PLCB1: variants seen among roughly 807,000 people sequenced by gnomAD.
PLCB1 encodes the protein 1-phosphatidylinositol 4,5-bisphosphate phosphodiesterase beta-1.
Under a neutral mutation model 161.8 loss-of-function variants are expected in PLCB1, and 46 were observed. The observed-to-expected ratio is 0.28, with a 90% confidence interval of 0.22 to 0.36. The LOEUF is 0.36. Ranked by LOEUF, PLCB1 falls within the 10% of genes least tolerant of loss-of-function variation. The pLI is 1.00. For missense variants in PLCB1, 1,016 were observed against 1,472.5 expected (o/e 0.69, Z 5.07); for synonymous variants, 517 against 503.7 (o/e 1.03, Z -0.35).
At chr20:8,225,317 A>T (rs1600245017) in intron 2 of PLCB1, among the ~76,000 whole-genome samples, 1 of 152,056 alleles carries the variant, frequency 6.6e-6, no homozygotes, top group African/African-American at 2.4e-5. Flanking sequence ...ATTTTTTACA[A>T]TAGGGTCTGA....
chr20:8,839,462 C>G (rs1344573695), intron 31 of PLCB1, among the ~76,000 whole-genome samples: 5 of 152,114 alleles, frequency 3.3e-5, no homozygotes, highest in African/African-American at 1.2e-4. Context: ...GCAAGCAGCT[C>G]TGTCACTTGG....
intron 23 of PLCB1, among the ~76,000 whole-genome samples, chr20:8,755,854 A>C (rs1054151664): frequency 2.6e-5 from 4 of 152,242 alleles, no homozygotes; most frequent in African/African-American, 9.6e-5. Flanking sequence ...AATTGTTTTC[A>C]GATGATTAGC....
intron 3 of PLCB1, among the ~76,000 whole-genome samples, chr20:8,393,630 G>A (rs1318770516): frequency 6.6e-6 from 1 of 152,126 alleles, no homozygotes. Context: ...ACTCCGGCCT[G>A]GGTGACTGGT....
chr20:8,671,178 A>T (rs1989933429), intron 9 of PLCB1, among the ~76,000 whole-genome samples: 2 of 152,214 alleles, frequency 1.3e-5, no homozygotes, highest in Non-Finnish European at 2.9e-5. Flanking sequence ...GACTGTGATT[A>T]TTCTACGTGG....
At chr20:8,248,012 G>A (rs1980965189) in intron 2 of PLCB1, among the ~76,000 whole-genome samples, 1 of 151,844 alleles carries the variant, frequency 6.6e-6, no homozygotes, top group Non-Finnish European at 1.5e-5. Flanking sequence ...CTAGTCCTCT[G>A]TCCTAGATTG....
chr20:8,199,349 C>G (rs1460861058), intron 2 of PLCB1, among the ~76,000 whole-genome samples: 2 of 152,016 alleles, frequency 1.3e-5, no homozygotes, highest in Non-Finnish European at 2.9e-5. Context: ...ATTATTAAGT[C>G]AAGTATATAA....
chr20:8,755,610 C>A (rs900530480), intron 23 of PLCB1, among the ~76,000 whole-genome samples: 117 of 152,276 alleles, frequency 7.7e-4, no homozygotes, highest in African/African-American at 2.6e-3. Context: ...GTGGAATTAG[C>A]TGCTGGAGGG....
intron 5 of PLCB1, among the ~76,000 whole-genome samples, chr20:8,646,978 T>A (rs1353333551): frequency 6.6e-6 from 1 of 152,232 alleles, no homozygotes; most frequent in East Asian, 1.9e-4. Flanking sequence ...GACATACCCA[T>A]CATTCCAGAC....
At chr20:8,369,504 G>T (rs1021402998) in intron 2 of PLCB1, among the ~76,000 whole-genome samples, 3 of 152,190 alleles carry the variant, frequency 2.0e-5, no homozygotes, top group African/African-American at 7.2e-5. Flanking sequence ...TTCACAGAGG[G>T]TTCTATAATG....
chr20:8,318,251 T>C (rs1235581014), intron 2 of PLCB1, among the ~76,000 whole-genome samples: 2 of 152,160 alleles, frequency 1.3e-5, no homozygotes, highest in East Asian at 3.9e-4. Flanking sequence ...GTCAGAGATA[T>C]GTATTTTCCT....
intron 3 of PLCB1, among the ~76,000 whole-genome samples, chr20:8,434,394 T>C (rs1231643402): frequency 6.6e-6 from 1 of 152,162 alleles, no homozygotes; most frequent in Non-Finnish European, 1.5e-5. Flanking sequence ...ATAATAATAA[T>C]ATATGAAAGA....
chr20:8,471,680 G>A (rs560577309), intron 3 of PLCB1, among the ~76,000 whole-genome samples: 1 of 152,250 alleles, frequency 6.6e-6, no homozygotes, highest in South Asian at 2.1e-4. Flanking sequence ...CCCCCTGCTA[G>A]GTGAATTGGA....
At chr20:8,662,437 T>C (rs1237352249) in intron 9 of PLCB1, among the ~76,000 whole-genome samples, 1 of 109,516 alleles carries the variant, frequency 9.1e-6, no homozygotes, top group East Asian at 2.7e-4. Flanking sequence ...TATTATATAA[T>C]TATGTGTTAT....
At chr20:8,491,392 G>C (rs892178909) in intron 3 of PLCB1, among the ~76,000 whole-genome samples, 1 of 151,930 alleles carries the variant, frequency 6.6e-6, no homozygotes, top group Admixed American at 6.6e-5. Context: ...ACGTTTTTCA[G>C]ACATTACGTT....
rs140933186 is a variant in PLCB1, at chr20:8,767,983, A to C, written c.2930+2625A>C. Among the ~76,000 whole-genome samples, 25 of 152,248 alleles carry C rather than the reference A, an allele frequency of 1.6e-4. No homozygotes were observed. In the East Asian group the frequency reaches 4.7e-3, roughly 28 times the overall value. ...AGGATCACTTGAGACCAGCCTGGGC[A>C]ACATGGTGAAACCCCATCTCTACTA... On this transcript the variant is annotated intron_variant, in intron 26 of 31. Coordinates refer to ENST00000338037, the MANE Select transcript of PLCB1 (RefSeq NM_015192.4).
intron 3 of PLCB1, among the ~76,000 whole-genome samples, chr20:8,413,028 T>C (rs1979112830): frequency 1.3e-5 from 2 of 152,128 alleles, no homozygotes; most frequent in African/African-American, 4.8e-5. Flanking sequence ...TGGGGAATTC[T>C]AGCTCCAAAA....
chr20:8,762,386 T>G (rs1982087247), intron 25 of PLCB1, among the ~76,000 whole-genome samples: 1 of 152,190 alleles, frequency 6.6e-6, no homozygotes. Flanking sequence ...TAAATGATAT[T>G]TGTGTCTTTA....
intron 2 of PLCB1, among the ~76,000 whole-genome samples, chr20:8,199,964 A>T (rs1418189373): frequency 6.6e-6 from 1 of 152,156 alleles, no homozygotes; most frequent in African/African-American, 2.4e-5. Context: ...CTAAGTTTAC[A>T]TAGGACCAAG....
intron 12 of PLCB1, among the ~76,000 whole-genome samples, chr20:8,711,844 T>G (rs1245158916): frequency 2.0e-5 from 3 of 152,116 alleles, no homozygotes; most frequent in Admixed American, 6.6e-5. Flanking sequence ...AGAATCCTTC[T>G]CAACACAGTG....
Sources: gnomAD v4.1 joint callset for allele counts (sites outside exome capture counted in the v4.1 genomes callset) on GRCh38, gnomAD v4.1.1 for gene constraint, MANE v1.5 for transcripts, NCBI Gene and HGNC (gene_info 2026-07-23, HGNC 2026-07-21) for gene names.